NUMB: variants seen among roughly 807,000 people sequenced by gnomAD.
NUMB encodes the protein protein numb homolog.
NUMB carries 29 observed loss-of-function variants against 59.7 expected under a neutral mutation model. That is an observed-to-expected ratio of 0.49 (90% CI 0.36 to 0.66). The LOEUF is 0.66. Among genes scored for constraint, NUMB ranks in the 30% least tolerant of loss-of-function variants. The pLI is 0.00. For synonymous variants in NUMB, 288 were observed against 288.2 expected, an observed-to-expected ratio of 1.00 and a Z score of 0.01; for missense variants, 723 against 822.0, an observed-to-expected ratio of 0.88 and a Z score of 1.47.
intron 2 of NUMB, among the ~76,000 whole-genome samples, chr14:73,396,028 A>T (rs1896115222): frequency 6.6e-6 from 1 of 152,044 alleles, no homozygotes; most frequent in African/African-American, 2.4e-5. Flanking sequence ...AGTCTTTTTT[A>T]TTTTTATTTT....
chr14:73,433,297 C>T (rs1466583316), intron 1 of NUMB, among the ~76,000 whole-genome samples: 1 of 152,082 alleles, frequency 6.6e-6, no homozygotes, highest in African/African-American at 2.4e-5. Flanking sequence ...TGGTGCATGC[C>T]TGTAGTCCCA....
At position 73,446,379 on chromosome 14, in the gene NUMB, G is replaced by A. The variant is rs535761719; in HGVS notation, c.-233+12114C>T. On this transcript the variant is annotated intron_variant, in intron 1 of 12. Coordinates refer to ENST00000555238, the MANE Select transcript of NUMB (RefSeq NM_001005743.2). ...TCCCAGCACTTTGGGAGGCCAAGGC[G>A]GGTAGATCACAAGGTCAGGAGTTCG... Among the ~76,000 whole-genome samples, 33 of 152,092 alleles carry A rather than the reference G, an allele frequency of 2.2e-4. 1 individual carries two copies. Among genetic ancestry groups the A allele is most frequent in the African/African-American group, 4.6e-4 (19 of 41,506 alleles).
chr14:73,446,071 A>T (rs1452466490), intron 1 of NUMB, among the ~76,000 whole-genome samples: 1 of 148,444 alleles, frequency 6.7e-6, no homozygotes, highest in Non-Finnish European at 1.5e-5. Context: ...ATCTCAGCCT[A>T]CTGCAACCTC....
chr14:73,294,665 G>A (rs933191660), intron 7 of NUMB, among the ~76,000 whole-genome samples: 1 of 150,808 alleles, frequency 6.6e-6, no homozygotes, highest in East Asian at 2.0e-4. Context: ...CCATAGGCAC[G>A]CACCACCATG....
At chr14:73,440,349 T>C (rs1466039404) in intron 1 of NUMB, among the ~76,000 whole-genome samples, 1 of 150,868 alleles carries the variant, frequency 6.6e-6, no homozygotes, top group African/African-American at 2.4e-5. Context: ...TCCCCCACAC[T>C]GTACACAAAA....
Position 73,351,416 on chromosome 14 carries a change from G to A in NUMB, c.126+4210C>T, listed in dbSNP as rs190464997. On this transcript the variant is annotated intron_variant, in intron 4 of 12. Transcript: ENST00000555238. ...GAACCCTAGAGGCGGAGGTTGCAGTGAGCGGGGGTTGCAGTGAGCTGAGAT... is the reference window on the plus strand; with the variant it reads ...GAACCCTAGAGGCGGAGGTTGCAGTAAGCGGGGGTTGCAGTGAGCTGAGAT... Among the ~76,000 whole-genome samples, 93 of 152,226 alleles carry A rather than the reference G, an allele frequency of 6.1e-4. No individual in the cohort carries two copies. The East Asian group carries it at 0.015, about 25-fold the overall frequency.
chr14:73,360,622 A>G (rs1894053843), intron 3 of NUMB, among the ~76,000 whole-genome samples: 1 of 152,106 alleles, frequency 6.6e-6, no homozygotes, highest in Non-Finnish European at 1.5e-5. Context: ...ATTTTTCCCA[A>G]CTAACTCTTT....
At chr14:73,424,965 A>G (rs894536454) in intron 1 of NUMB, among the ~76,000 whole-genome samples, 1 of 152,234 alleles carries the variant, frequency 6.6e-6, no homozygotes, top group Non-Finnish European at 1.5e-5. Context: ...TTGTCCTATA[A>G]TATTTTATCC....
At chr14:73,288,581 C>T (rs941667453) in intron 8 of NUMB, among the ~76,000 whole-genome samples, 4 of 139,022 alleles carry the variant, frequency 2.9e-5, no homozygotes, top group Non-Finnish European at 6.2e-5. Context: ...AAATAAAGGC[C>T]GGGCACAGTG....
At chr14:73,301,809 G>T (rs914372034) in intron 6 of NUMB, among the ~76,000 whole-genome samples, 1 of 152,112 alleles carries the variant, frequency 6.6e-6, no homozygotes, top group Non-Finnish European at 1.5e-5. Flanking sequence ...GGCCGGGTGT[G>T]GTGGCTCATG....
intron 2 of NUMB, among the ~76,000 whole-genome samples, chr14:73,398,952 ATTTG>A (rs1896280220): frequency 6.6e-6 from 1 of 152,182 alleles, no homozygotes; most frequent in South Asian, 2.1e-4. Context: ...CAGCAGCACT[ATTTG>A]TTTTAGTTTT....
At chr14:73,395,271 G>C (rs1261847168) in intron 2 of NUMB, among the ~76,000 whole-genome samples, 2 of 52,506 alleles carry the variant, frequency 3.8e-5, no homozygotes, top group Non-Finnish European at 6.2e-5. Context: ...TGGACACTTA[G>C]GTTGATTCCT....
intron 2 of NUMB, among the ~76,000 whole-genome samples, chr14:73,402,194 C>G (rs1265294310): frequency 6.6e-6 from 1 of 152,072 alleles, no homozygotes; most frequent in Non-Finnish European, 1.5e-5. Flanking sequence ...TGGGAAAAGA[C>G]CTCATAATTC....
chr14:73,322,704 CACA>C (rs1891467145), intron 5 of NUMB: 1 of 152,222 alleles, frequency 6.6e-6, no homozygotes, highest in African/African-American at 2.4e-5. Flanking sequence ...TATCAGATTT[CACA>C]ACATTTGTTT....
chr14:73,355,923 G>T (rs1475841697), intron 3 of NUMB, among the ~76,000 whole-genome samples, 157 bp from the exon 4 acceptor site: 1 of 152,044 alleles, frequency 6.6e-6, no homozygotes, highest in African/African-American at 2.4e-5. Flanking sequence ...CAGTGTAAAG[G>T]GAAAATGAAT....
intron 4 of NUMB, among the ~76,000 whole-genome samples, chr14:73,344,841 A>C (rs17492268): frequency 0.16 from 23,851 of 152,222 alleles, 2,696 homozygotes; most frequent in Non-Finnish European, 0.23. Context: ...TTTTAATTAC[A>C]AGTTAAATGA....
chr14:73,452,314 T>A (rs909867540), intron 1 of NUMB, among the ~76,000 whole-genome samples: 1 of 152,042 alleles, frequency 6.6e-6, no homozygotes, highest in Non-Finnish European at 1.5e-5. Flanking sequence ...GAGCTAAAAT[T>A]GTGCCATTGT....
chr14:73,417,611 C>T (rs961796948), intron 1 of NUMB, among the ~76,000 whole-genome samples: 2 of 151,258 alleles, frequency 1.3e-5, no homozygotes, highest in African/African-American at 4.9e-5. Context: ...AAAACAAAAT[C>T]AGTAAAGCAT....
intron 1 of NUMB, among the ~76,000 whole-genome samples, chr14:73,451,173 AAC>A (rs1424675513): frequency 0.013 from 1,513 of 116,418 alleles, 154 homozygotes; most frequent in African/African-American, 0.051. Flanking sequence ...AAAAAAAAAA[AAC>A]AAAAAACAAA....
Sources: allele counts gnomAD v4.1 joint callset (sites outside exome capture counted in the v4.1 genomes callset), GRCh38; gene constraint gnomAD v4.1.1; transcripts MANE v1.5; gene names NCBI Gene and HGNC (gene_info 2026-07-23, HGNC 2026-07-21).